Variants in ITGB1 observed in about 807,000 individuals in gnomAD.
ITGB1 encodes integrin beta-1.
A neutral mutation model predicts 86.5 loss-of-function variants in ITGB1; 24 were observed. The ratio of observed to expected loss-of-function variants is 0.28; its 90% CI spans 0.20 to 0.39. The LOEUF (loss-of-function observed/expected upper bound fraction) is 0.39, where lower values mean the gene tolerates loss of function less well. ITGB1 is among the 10% of genes least tolerant of loss of function. ITGB1 has a pLI of 1.00. For missense variants in ITGB1, 556 were observed against 946.9 expected (o/e 0.59, Z 5.42); for synonymous variants, 323 against 316.8 (o/e 1.02, Z -0.21).
At chr10:32,928,460 A>T (rs530590805) in intron 4 of ITGB1, among the ~76,000 whole-genome samples, 196 bp from the exon 5 acceptor site, 26 of 152,358 alleles carry the variant, frequency 1.7e-4, no homozygotes, top group Non-Finnish European at 3.7e-4. Flanking sequence ...TACTTTAAAC[A>T]CCAGGCCTTC....
At chr10:32,942,699 G>GTTTTTT (rs1162232836) in intron 1 of ITGB1, among the ~76,000 whole-genome samples, 1 of 140,920 alleles carries the variant, frequency 7.1e-6, no homozygotes. Context: ...TTTTTTTTTG[G>GTTTTTT]GGGGAGACAG....
intron 3 of ITGB1, among the ~76,000 whole-genome samples, chr10:32,932,161 A>G (rs1021366938): frequency 1.3e-5 from 2 of 152,106 alleles, no homozygotes; most frequent in African/African-American, 4.8e-5. Context: ...AAATATATGT[A>G]TTTTAAAATT....
intron 1 of ITGB1, among the ~76,000 whole-genome samples, chr10:32,952,900 T>G (rs184714877): frequency 4.9e-4 from 75 of 152,322 alleles, no homozygotes; most frequent in Non-Finnish European, 4.9e-4. Context: ...TTATTTCTAT[T>G]CAAACTTCTA....
chr10:32,930,549 C>A (rs1466379454), intron 3 of ITGB1, among the ~76,000 whole-genome samples: 1 of 152,030 alleles, frequency 6.6e-6, no homozygotes, highest in South Asian at 2.1e-4. Context: ...TTTAAAAGGA[C>A]AACACGAAAT....
chr10:32,904,626 C>A (rs937252578), intron 15 of ITGB1, among the ~76,000 whole-genome samples: 2 of 152,178 alleles, frequency 1.3e-5, no homozygotes, highest in Non-Finnish European at 2.9e-5. Flanking sequence ...AATTGACTGG[C>A]AAACCTTGGT....
At chr10:32,916,663 T>A (rs1441735745) in intron 11 of ITGB1, among the ~76,000 whole-genome samples, 1 of 152,138 alleles carries the variant, frequency 6.6e-6, no homozygotes, top group Non-Finnish European at 1.5e-5. Context: ...CAAGAAGAAC[T>A]ACAAACCACT....
intron 1 of ITGB1, chr10:32,944,417 G>A (rs2095026297): frequency 6.3e-6 from 2 of 317,998 alleles, no homozygotes; most frequent in South Asian, 5.7e-5. Context: ...CGCGGCAGCA[G>A]CCGTGATCAT....
intron 1 of ITGB1, among the ~76,000 whole-genome samples, chr10:32,937,997 G>GT (rs1482498280): frequency 6.6e-6 from 1 of 152,192 alleles, no homozygotes; most frequent in Non-Finnish European, 1.5e-5. Flanking sequence ...AGAGTTAAGC[G>GT]TAACGTGAAA....
intron 9 of ITGB1, among the ~76,000 whole-genome samples, chr10:32,920,908 G>A (rs150864097): frequency 0.036 from 5,460 of 151,686 alleles, 116 homozygotes; most frequent in Non-Finnish European, 0.052. Context: ...GCCTGAACCC[G>A]GGAGGCAGGG....
At chr10:32,932,907 A>T (rs1168511724) in intron 2 of ITGB1, among the ~76,000 whole-genome samples, 1 of 152,084 alleles carries the variant, frequency 6.6e-6, no homozygotes, top group Non-Finnish European at 1.5e-5. Context: ...TTTGTGTTAC[A>T]AAGAATCCAA....
chr10:32,936,691 T>C (rs1247585484), intron 1 of ITGB1, among the ~76,000 whole-genome samples: 1 of 152,218 alleles, frequency 6.6e-6, no homozygotes, highest in Non-Finnish European at 1.5e-5. Context: ...GCTTTCACGA[T>C]GATATGAATC....
intron 11 of ITGB1, among the ~76,000 whole-genome samples, chr10:32,914,674 A>G (rs1393784429): frequency 6.6e-6 from 1 of 152,188 alleles, no homozygotes; most frequent in Non-Finnish European, 1.5e-5. Context: ...GCAGGTCCTG[A>G]GAGACCTAGA....
intron 15 of ITGB1, among the ~76,000 whole-genome samples, chr10:32,903,049 G>C (rs1453150733): frequency 2.6e-5 from 4 of 152,004 alleles, no homozygotes; most frequent in African/African-American, 9.7e-5. Flanking sequence ...ATACAGTTCA[G>C]AAGTTTCTAG....
chr10:32,945,377 T>C (rs1257005744), intron 1 of ITGB1, among the ~76,000 whole-genome samples: 1 of 152,198 alleles, frequency 6.6e-6, no homozygotes, highest in South Asian at 2.1e-4. Flanking sequence ...AGATGGTGCA[T>C]CACGAGGTCA....
rs1049609233 is a variant in ITGB1 at position 32,945,468 on chromosome 10, A to G, written c.1-9910T>C. Among the ~76,000 whole-genome samples the G allele has an allele frequency of 9.5e-4, 144 of 152,060 alleles. 1 individual carries two copies. Among genetic ancestry groups the G allele is most frequent in the African/African-American group, 3.2e-3 (133 of 41,488 alleles). On this transcript the variant is annotated intron_variant, in intron 1 of 15. Transcript: ENST00000302278. ...AAAAAAATTAGCCGGGCGTGGTGGC[A>G]GGCGCCTGTAGTCCCAGCTACTCGG...
At chr10:32,917,863 T>C (rs2094936919) in intron 11 of ITGB1, among the ~76,000 whole-genome samples, 1 of 152,208 alleles carries the variant, frequency 6.6e-6, no homozygotes, top group South Asian at 2.1e-4. Flanking sequence ...CAAAGAATTA[T>C]AAATCATGCT....
chr10:32,920,743 T>C (rs2094946768), intron 9 of ITGB1, among the ~76,000 whole-genome samples: 1 of 150,126 alleles, frequency 6.7e-6, no homozygotes, highest in Non-Finnish European at 1.5e-5. Context: ...GAGGCCAAGG[T>C]AGGTGGACTG....
intron 15 of ITGB1, among the ~76,000 whole-genome samples, chr10:32,906,808 G>A (rs1453911200): frequency 6.6e-6 from 1 of 152,166 alleles, no homozygotes; most frequent in Non-Finnish European, 1.5e-5. Context: ...AGTGGAAGAG[G>A]TGGGATTTGA....
Position 32,920,039 on chromosome 10 carries a change from C to A in ITGB1, c.1315G>T (p.Asp439Tyr). ...SITSNKCPKK[D>Y]SDSFKIRPLG... Reference sequence around the variant, plus strand: ...GGCCTAATTTTAAAGCTGTCAGAATCCTTTTTTGGACACTTATTTGAAGTT... The same window carrying A: ...GGCCTAATTTTAAAGCTGTCAGAATACTTTTTTGGACACTTATTTGAAGTT... Residue 439 changes from aspartate (D) to tyrosine (Y), a missense_variant, in exon 11 of 16, where the codon GAT becomes TAT. Transcript: ENST00000302278. The A allele has an allele frequency of 6.2e-7, 1 of 1,614,022 alleles. No homozygotes were observed. The highest frequency in any genetic ancestry group is 2.2e-5 in the East Asian group (1 of 44,878).
Sources: allele counts gnomAD v4.1 joint callset (sites outside exome capture counted in the v4.1 genomes callset), GRCh38; gene constraint gnomAD v4.1.1; transcripts MANE v1.5; gene names NCBI Gene and HGNC (gene_info 2026-07-23, HGNC 2026-07-21).